The following EMX1 variants were observed in gnomAD, a reference collection of about 807,000 sequenced individuals.
EMX1 encodes the protein empty spiracles homeobox 1, also known as homeobox protein EMX1.
Under a neutral mutation model 20.1 loss-of-function variants are expected in EMX1, and 10 were observed. The ratio of observed to expected loss-of-function variants is 0.50; its 90% CI spans 0.31 to 0.84. EMX1 has a LOEUF of 0.84. EMX1 is among the 40% of genes least tolerant of loss of function. The pLI, the probability that EMX1 is intolerant of heterozygous loss-of-function variation, is 0.05. For synonymous variants in EMX1, 250 were observed against 200.4 expected, an observed-to-expected ratio of 1.25 and a Z score of -2.09; for missense variants, 424 against 431.9, an observed-to-expected ratio of 0.98 and a Z score of 0.16.
At chr2:72,925,630 T>TCCCCTCCCAAGTC in intron 2 of EMX1, 1 of 1,205,140 alleles carries the variant, frequency 8.3e-7, no homozygotes. Context: ...TACACCACCG[T>TCCCCTCCCAAGTC]CCCCTCCCAA....
chr2:72,921,543 G>T (rs1231188509), intron 1 of EMX1, among the ~76,000 whole-genome samples: 1 of 152,156 alleles, frequency 6.6e-6, no homozygotes, highest in Non-Finnish European at 1.5e-5. Context: ...GAAACATGTA[G>T]CAATTGATCT....
intron 1 of EMX1, 186 bp from the exon 2 acceptor site, chr2:72,924,123 A>C: frequency 1.4e-6 from 1 of 692,224 alleles, no homozygotes; most frequent in Non-Finnish European, 2.5e-6. Context: ...TGCGGAGGGG[A>C]GTGGACTTAG....
In EMX1 at chr2:72,917,605, CGAAAG is replaced by C. The variant is rs879382193; in HGVS notation, c.-245_-241del. 77 of 224,728 alleles carry C rather than the reference CGAAAG, an allele frequency of 3.4e-4. No individual in the cohort carries two copies. The highest frequency in any genetic ancestry group is 6.3e-4 in the Admixed American group (11 of 17,412). The allele number at this position is 224,728 out of a possible 1,614,324, so 13.9% of individuals were successfully genotyped here. ...GCTGGGGTCGGTCCCAGCGGGACTC[CGAAAG>C]GAGGGAGACGAGCTCAACCCTCGGG... is the stretch of plus-strand genomic sequence containing the variant. On this transcript the variant is annotated 5_prime_UTR_variant, in exon 1 of 3. Coordinates refer to ENST00000258106, the MANE Select transcript of EMX1 (RefSeq NM_004097.3).
chr2:72,918,358 G>A lies in EMX1; in HGVS notation c.506G>A (p.Gly169Asp), dbSNP rs1671032227. Reference sequence around the variant, plus strand: ...TGGGTCCTGCGGAACCGCTTCTTCGGCCACCGCTTCCAGGGTGAGTGTCCA... The same window carrying A: ...TGGGTCCTGCGGAACCGCTTCTTCGACCACCGCTTCCAGGGTGAGTGTCCA... Reference protein sequence around the residue: ...YPWVLRNRFFGHRFQASDVPQ... With the variant: ...YPWVLRNRFFDHRFQASDVPQ... The change falls in exon 1 of 3, where the codon GGC becomes GAC. Residue 169 changes from glycine to aspartate, a missense_variant. By Grantham distance (94) the Gly-to-Asp change is moderately conservative (BLOSUM62 -1). This residue lies in a region of EMX1 where 333 missense variants were observed against 296.6 expected (regional missense o/e 1.12). Coordinates refer to ENST00000258106, the MANE Select transcript of EMX1 (RefSeq NM_004097.3). 1 of 1,469,986 alleles carries A rather than the reference G, an allele frequency of 6.8e-7. No homozygotes were observed. Among genetic ancestry groups the A allele is most frequent in the Non-Finnish European group, 8.9e-7 (1 of 1,117,606 alleles). 91.1% of individuals were successfully genotyped at this position (1,469,986 alleles called of 1,614,324 possible). A position where few individuals can be genotyped will look rare whatever the true frequency, so the allele number is the denominator to read the frequency against.
Sources: gnomAD v4.1 joint callset for allele counts (sites outside exome capture counted in the v4.1 genomes callset) on GRCh38, gnomAD v4.1.1 for gene constraint, gnomAD v4.1.1 regional missense constraint, MANE v1.5 for transcripts, NCBI Gene and HGNC (gene_info 2026-07-23, HGNC 2026-07-21) for gene names.